MYO5B: variants seen among roughly 807,000 people sequenced by gnomAD.
MYO5B encodes myosin VB.
Under a neutral mutation model 229.3 loss-of-function variants are expected in MYO5B, and 143 were observed. The ratio of observed to expected loss-of-function variants is 0.62; its 90% CI spans 0.54 to 0.72. The LOEUF is 0.72. Among genes scored for constraint, MYO5B ranks in the 30% least tolerant of loss-of-function variants. The pLI, the probability that MYO5B is intolerant of heterozygous loss-of-function variation, is 0.00. For missense variants in MYO5B, 2,321 were observed against 2,331.0 expected, an observed-to-expected ratio of 1.00 and a Z score of 0.09; for synonymous variants, 918 against 885.2, an observed-to-expected ratio of 1.04 and a Z score of -0.66.
intron 7 of MYO5B, among the ~76,000 whole-genome samples, chr18:49,989,229 G>C (rs1455839269): frequency 6.6e-6 from 1 of 152,192 alleles, no homozygotes; most frequent in South Asian, 2.1e-4. Flanking sequence ...GGATTCATAA[G>C]CAAGTGTTAT....
At chr18:50,095,496 T>C (rs1275109155) in intron 1 of MYO5B, among the ~76,000 whole-genome samples, 1 of 152,192 alleles carries the variant, frequency 6.6e-6, no homozygotes, top group Non-Finnish European at 1.5e-5. Context: ...CAGGCACATG[T>C]GCTGGGGTTC....
chr18:49,904,561 A>T, intron 20 of MYO5B, 111 bp downstream of exon 20: 1 of 1,353,944 alleles, frequency 7.4e-7, no homozygotes, highest in South Asian at 1.2e-5. Flanking sequence ...ATGTGAAAGC[A>T]TTTAGAAAAA....
intron 3 of MYO5B, among the ~76,000 whole-genome samples, chr18:50,037,406 T>C (rs571892020): frequency 2.0e-5 from 3 of 152,248 alleles, no homozygotes; most frequent in Non-Finnish European, 2.9e-5. Context: ...TTCTCATTTG[T>C]ATATTGGTTA....
intron 1 of MYO5B, among the ~76,000 whole-genome samples, chr18:50,154,228 C>T (rs2032645363): frequency 6.6e-6 from 1 of 152,098 alleles, no homozygotes; most frequent in African/African-American, 2.4e-5. Context: ...GACTTTCACT[C>T]ATTATCTTAG....
At chr18:49,839,368 A>T in intron 35 of MYO5B, 74 bp from the exon 36 acceptor site, 1 of 1,564,158 alleles carries the variant, frequency 6.4e-7, no homozygotes, top group Non-Finnish European at 8.7e-7. Context: ...GGCTCTGGTA[A>T]CTTTAGTCAT....
chr18:49,960,622 A>G (rs1225545298), intron 12 of MYO5B, among the ~76,000 whole-genome samples: 1 of 152,224 alleles, frequency 6.6e-6, no homozygotes, highest in Non-Finnish European at 1.5e-5. Context: ...ATCATCCTGA[A>G]TTTCCAGAAC....
chr18:49,892,060 T>C (rs2024721631), intron 22 of MYO5B, among the ~76,000 whole-genome samples: 1 of 152,116 alleles, frequency 6.6e-6, no homozygotes, highest in Non-Finnish European at 1.5e-5. Flanking sequence ...TAATGAGCTG[T>C]CACCTCTGTG....
At chr18:50,073,275 T>C (rs1235989186) in intron 1 of MYO5B, among the ~76,000 whole-genome samples, 1 of 152,146 alleles carries the variant, frequency 6.6e-6, no homozygotes, top group African/African-American at 2.4e-5. Context: ...AAATAATTTA[T>C]ATCAATTTTA....
chr18:49,945,144 T>C (rs1468787829), intron 14 of MYO5B, among the ~76,000 whole-genome samples: 1 of 152,102 alleles, frequency 6.6e-6, no homozygotes, highest in Non-Finnish European at 1.5e-5. Context: ...ATCCTTTGCA[T>C]TGCCATTTTC....
chr18:50,114,082 G>C (rs777369601), intron 1 of MYO5B, among the ~76,000 whole-genome samples: 1 of 152,118 alleles, frequency 6.6e-6, no homozygotes, highest in African/African-American at 2.4e-5. Context: ...AATCATGTTA[G>C]ATTATTTCCT....
intron 16 of MYO5B, 29 bp downstream of exon 16, chr18:49,936,223 G>A: frequency 6.5e-7 from 1 of 1,543,874 alleles, no homozygotes; most frequent in Non-Finnish European, 8.8e-7. Flanking sequence ...AGGCTGGGCT[G>A]GACAGGCTAA....
In MYO5B at chr18:50,072,430, T is replaced by C. The variant is rs561285907; in HGVS notation, c.28-17052A>G. Among the ~76,000 whole-genome samples the C allele has an allele frequency of 1.8e-4, 28 of 152,062 alleles. No homozygotes were observed. The South Asian group carries it at 5.6e-3, about 30-fold the overall frequency. ...GGAAGGGCATCACATTCAGGGAGTGTAGCCTGGGGGGAAATTAGAAATGAG... is the reference window on the plus strand; with the variant it reads ...GGAAGGGCATCACATTCAGGGAGTGCAGCCTGGGGGGAAATTAGAAATGAG... On this transcript the variant is annotated intron_variant, in intron 1 of 39. Transcript: ENST00000285039.
In MYO5B at chr18:49,903,241, T is replaced by C. The variant is rs1412431137; in HGVS notation, c.2572-408A>G. 2.0e-5 allele frequency among the ~76,000 whole-genome samples: 3 copies of C among 152,024 alleles called. No individual in the cohort carries two copies. In the East Asian group the frequency reaches 5.8e-4, roughly 29 times the overall value. ...GAGTGTCCACAGCAGGCTAATGGCT[T>C]ATAATTACAAACTTGGTGTGTAATT... On this transcript the variant is annotated intron_variant, in intron 20 of 39. Coordinates refer to ENST00000285039, the MANE Select transcript of MYO5B (RefSeq NM_001080467.3).
chr18:49,851,987 C>A (rs1479746495), intron 31 of MYO5B, among the ~76,000 whole-genome samples: 1 of 151,722 alleles, frequency 6.6e-6, no homozygotes. Flanking sequence ...CAAACTGGAG[C>A]CCTCCTCCTC....
chr18:50,131,175 G>T (rs549852551), intron 1 of MYO5B, among the ~76,000 whole-genome samples: 1 of 152,340 alleles, frequency 6.6e-6, no homozygotes, highest in African/African-American at 2.4e-5. Context: ...GTCATTAATT[G>T]CATGGAATCA....
intron 35 of MYO5B, 25 bp downstream of exon 35, chr18:49,841,340 C>T: frequency 6.2e-7 from 1 of 1,610,150 alleles, no homozygotes; most frequent in Non-Finnish European, 8.5e-7. Flanking sequence ...AGGAATGCCT[C>T]CTGGGTGCCT....
At chr18:50,002,243 T>G (rs564475470) in intron 4 of MYO5B, among the ~76,000 whole-genome samples, 29 of 152,264 alleles carry the variant, frequency 1.9e-4, no homozygotes, top group Non-Finnish European at 3.5e-4. Context: ...ACAAAGGGCA[T>G]GCTATTAGCC....
chr18:50,063,850 G>A (rs577539836), intron 1 of MYO5B: 1 of 152,166 alleles, frequency 6.6e-6, no homozygotes, highest in African/African-American at 2.4e-5. Flanking sequence ...ATAAGGAATC[G>A]AGTCTCCATG....
chr18:50,175,892 C>G (rs1464225348), intron 1 of MYO5B, among the ~76,000 whole-genome samples: 1 of 152,230 alleles, frequency 6.6e-6, no homozygotes, highest in Admixed American at 6.5e-5. Flanking sequence ...GCTAAGTCCA[C>G]CTTCCCACAA....
Sources: allele counts gnomAD v4.1 joint callset (sites outside exome capture counted in the v4.1 genomes callset), GRCh38; gene constraint gnomAD v4.1.1; transcripts MANE v1.5; gene names NCBI Gene and HGNC (gene_info 2026-07-23, HGNC 2026-07-21).